The following COL20A1 variants were observed in gnomAD, a reference collection of about 807,000 sequenced individuals.
COL20A1 encodes the protein collagen type XX alpha 1 chain.
A neutral mutation model predicts 152.9 loss-of-function variants in COL20A1; 164 were observed. That is an observed-to-expected ratio of 1.07 (90% CI 0.94 to 1.22). The LOEUF (loss-of-function observed/expected upper bound fraction) is 1.22, where lower values mean the gene tolerates loss of function less well. Ranked by LOEUF, COL20A1 falls within the 50% of genes most tolerant of loss-of-function variation. The pLI is 0.00. For missense variants in COL20A1, 1,873 were observed against 1,744.8 expected, an observed-to-expected ratio of 1.07 and a Z score of -1.31; for synonymous variants, 864 against 756.0, an observed-to-expected ratio of 1.14 and a Z score of -2.34.
Position 63,305,245 on chromosome 20 carries a change from A to G in COL20A1, c.194-172A>G, listed in dbSNP as rs924654916. ...CAAGACCCCCATTCTCTGTCACATT[A>G]TTACCCAGGAGCCCATGTCCCTTCC... On this transcript the variant is annotated intron_variant, in intron 3 of 35. Transcript: ENST00000358894. The surrounding 1 kb of genome is among the most constrained non-coding windows in gnomAD (Gnocchi z 4.9). Among the ~76,000 whole-genome samples, 1 of 151,462 alleles carries G rather than the reference A, an allele frequency of 6.6e-6. No homozygotes were observed. Among genetic ancestry groups the G allele is most frequent in the Non-Finnish European group, 1.5e-5 (1 of 67,896 alleles).
At chr20:63,300,353 ATG>A (rs2067849590) in intron 3 of COL20A1, among the ~76,000 whole-genome samples, 1 of 152,174 alleles carries the variant, frequency 6.6e-6, no homozygotes. Context: ...GTGTGTGTGT[ATG>A]TGTGTAAATA....
At chr20:63,314,039 G>T in intron 18 of COL20A1, 33 bp from the exon 19 acceptor site, 1 of 1,612,308 alleles carries the variant, frequency 6.2e-7, no homozygotes, top group Non-Finnish European at 8.5e-7. Flanking sequence ...AGTTGCCCAG[G>T]AAGTGGGGAC....
intron 1 of COL20A1, among the ~76,000 whole-genome samples, chr20:63,294,242 A>AC (rs1191471909): frequency 1.0e-5 from 1 of 99,650 alleles, no homozygotes; most frequent in Non-Finnish European, 2.1e-5. Context: ...GTGCAAGTGA[A>AC]CCCCCGGCAT....
intron 31 of COL20A1, chr20:63,327,344 C>A (rs999107478): frequency 2.9e-5 from 5 of 174,784 alleles, no homozygotes; most frequent in Admixed American, 6.0e-5. Flanking sequence ...GGTGTTGGTG[C>A]TAGTACAAGA....
chr20:63,325,055 G>T (rs982733882), intron 27 of COL20A1: 1 of 347,942 alleles, frequency 2.9e-6, no homozygotes, highest in Admixed American at 4.3e-5. Flanking sequence ...CCATTCTCTA[G>T]CTCTGCAGAC....
intron 6 of COL20A1, 139 bp from the exon 7 acceptor site, chr20:63,307,832 G>A (rs1048513699): frequency 3.4e-5 from 41 of 1,213,062 alleles, no homozygotes; most frequent in South Asian, 2.1e-4. Context: ...CTCTGCAAGC[G>A]TCCTCTCCCT....
chr20:63,316,246 C>T (rs896177812), intron 20 of COL20A1, among the ~76,000 whole-genome samples: 37 of 152,254 alleles, frequency 2.4e-4, no homozygotes, highest in South Asian at 6.2e-4. Flanking sequence ...CCTTGTCCAT[C>T]TCTGGGTCTC....
chr20:63,328,337 T>C lies in COL20A1; in HGVS notation c.3620T>C (p.Val1207Ala), dbSNP rs1324592783. The C allele has an allele frequency of 6.2e-7, 1 of 1,611,338 alleles. No individual in the cohort carries two copies. Among genetic ancestry groups the C allele is most frequent in the East Asian group, 2.2e-5 (1 of 44,806 alleles). Residue 1207 changes from valine to alanine, a missense_variant, in exon 34 of 36, where the codon GTG (valine) becomes GCG (alanine). Physicochemically the swap from Val to Ala is moderately conservative, Grantham distance 64. Transcript: ENST00000358894. ...ACACCCCTCCTCCCCACAGCACACGTGTCAAAGTTCGACTCCTTCCACGAG... is the reference window on the plus strand; with the variant it reads ...ACACCCCTCCTCCCCACAGCACACGCGTCAAAGTTCGACTCCTTCCACGAG... The part of the protein sequence containing the change: ...LYQLVSQASH[V>A]SKFDSFHENT...
intron 2 of COL20A1, among the ~76,000 whole-genome samples, chr20:63,297,330 T>TCAGGAGACTC (rs1568761729): frequency 8.4e-6 from 1 of 119,150 alleles, no homozygotes; most frequent in African/African-American, 3.4e-5. Context: ...TCAGGGGACT[T>TCAGGAGACTC]AGCTCAGGGG....
chr20:63,327,758 C>G (rs2068273024), intron 31 of COL20A1, 194 bp from the exon 32 acceptor site: 3 of 612,924 alleles, frequency 4.9e-6, no homozygotes, highest in South Asian at 3.9e-5. Flanking sequence ...AACCGAGCCT[C>G]TCACATGCCT....
chr20:63,312,882 T>A lies in COL20A1; in HGVS notation c.2024T>A (p.Val675Glu). The A allele has an allele frequency of 6.4e-7, 1 of 1,557,534 alleles. No homozygotes were observed. The highest frequency in any genetic ancestry group is 8.7e-7 in the Non-Finnish European group (1 of 1,150,914). ...TGGGTGGCCGCAGCCCCGTCTGGCG[T>A]GCTTGTCTACCAGATCACGTGGACG... ...LAWVAAAPSG[V>E]LVYQITWTPL... The change falls in exon 16 of 36, where the codon GTG (valine) becomes GAG (glutamate). Residue 675 changes from valine to glutamate, a missense_variant. Transcript: ENST00000358894.
intron 2 of COL20A1, among the ~76,000 whole-genome samples, chr20:63,297,303 A>G (rs1005848543): frequency 2.7e-4 from 40 of 149,732 alleles, no homozygotes; most frequent in African/African-American, 7.2e-4. Context: ...CTGGGGACTC[A>G]GCCCAGGGGC....
chr20:63,297,932 T>A lies in COL20A1; in HGVS notation c.105T>A (p.Ala35=), dbSNP rs904280654. The A allele has an allele frequency of 4.3e-6, 7 of 1,613,300 alleles. No individual in the cohort carries two copies. The African/African-American group carries it at 9.3e-5, about 22-fold the overall frequency. ...QVQASGLLRL[A]VLPEDRLQMK... Reference sequence around the variant, plus strand: ...TAGCAAGCGGTCTCCTGAGGCTGGCTGTGCTGCCTGAGGACCGGCTGCAGA... The same window carrying A: ...TAGCAAGCGGTCTCCTGAGGCTGGCAGTGCTGCCTGAGGACCGGCTGCAGA... Residue 35 remains alanine (A), a synonymous_variant, in exon 3 of 36, where the codon GCT becomes GCA. Coordinates refer to ENST00000358894, the MANE Select transcript of COL20A1 (RefSeq NM_020882.4).
chr20:63,313,126 C>G lies in COL20A1; in HGVS notation c.2086C>G (p.Pro696Ala). The change falls in exon 17 of 36, where the codon CCA becomes GCA. Residue 696 changes from proline (P) to alanine (A), a missense_variant. Transcript: ENST00000358894. This position sits in a 1 kb window ranked among gnomAD's most constrained non-coding sequence, Gnocchi z 5.9. ...GEGKAHEISV[P>A]GNLGTAVLPG... ...GCTCTCCTCTCCCTAGATCTCTGTCCCAGGGAACCTCGGCACGGCCGTCCT... is the reference window on the plus strand; with the variant it reads ...GCTCTCCTCTCCCTAGATCTCTGTCGCAGGGAACCTCGGCACGGCCGTCCT... The G allele has an allele frequency of 6.2e-7, 1 of 1,609,030 alleles. No individual in the cohort carries two copies. The highest frequency in any genetic ancestry group is 8.5e-7 in the Non-Finnish European group (1 of 1,178,316).
intron 3 of COL20A1, among the ~76,000 whole-genome samples, chr20:63,300,435 T>G (rs2067850525): frequency 6.6e-6 from 1 of 152,154 alleles, no homozygotes; most frequent in East Asian, 1.9e-4. Flanking sequence ...TTTTGGTCAG[T>G]TTTGGTAAGT....
chr20:63,298,002 C>G lies in COL20A1; in HGVS notation c.175C>G (p.Gln59Glu). The G allele has an allele frequency of 2.5e-6, 4 of 1,611,096 alleles. No homozygotes were observed. The highest frequency in any genetic ancestry group is 3.4e-6 in the Non-Finnish European group (4 of 1,179,034). The change falls in exon 3 of 36, where the codon CAG becomes GAG. Residue 59 changes from glutamine (Q) to glutamate (E), a missense_variant. Transcript: ENST00000358894. The stretch of plus-strand genomic sequence containing the variant: ...GGGGAGCGGCCTCGGCTACCTGGTG[C>G]AGGTGAAGCCCATGGCAGGTGAGGA... ...SEGSGLGYLV[Q>E]VKPMAGDSEQ... is the part of the protein sequence containing the mutation.
rs1245191662 is a variant in COL20A1, at chr20:63,305,745, T to C, written c.338-136T>C. 1.8e-6 allele frequency: 2 copies of C among 1,112,354 alleles called. No homozygotes were observed. The highest frequency in any genetic ancestry group is 2.6e-6 in the Non-Finnish European group (2 of 776,684). The allele number at this position is 1,112,354 out of a possible 1,614,324, so 68.9% of individuals were successfully genotyped here. On this transcript the variant is annotated intron_variant, in intron 4 of 35. Transcript: ENST00000358894. The surrounding 1 kb of genome is among the most constrained non-coding windows in gnomAD (Gnocchi z 4.9). ...CTCACCAGCAAGGCTGCCTTGCCCC[T>C]GACATCTTTGCATGCCTCCCAGGCT...
At chr20:63,294,344 C>G (rs1429711847) in intron 1 of COL20A1, among the ~76,000 whole-genome samples, 1 of 151,686 alleles carries the variant, frequency 6.6e-6, no homozygotes, top group Non-Finnish European at 1.5e-5. Context: ...CCTCTGGGCA[C>G]TGGTCACTGG....
intron 2 of COL20A1, among the ~76,000 whole-genome samples, chr20:63,297,644 C>T (rs1285643349): frequency 6.6e-6 from 1 of 152,220 alleles, no homozygotes; most frequent in Non-Finnish European, 1.5e-5. Context: ...GACTGGACTC[C>T]CTCTCACCAA....
Sources: gnomAD v4.1 joint callset for allele counts (sites outside exome capture counted in the v4.1 genomes callset) on GRCh38, gnomAD v4.1.1 for gene constraint, Gnocchi (gnomAD v3.1) non-coding constraint, MANE v1.5 for transcripts, NCBI Gene and HGNC (gene_info 2026-07-23, HGNC 2026-07-21) for gene names.